Variants in MAGI2 observed in about 807,000 individuals in gnomAD.
The protein encoded by MAGI2 is membrane associated guanylate kinase, WW and PDZ domain containing 2, also known as membrane-associated guanylate kinase, WW and PDZ domain-containing protein 2.
Under a neutral mutation model 133.3 loss-of-function variants are expected in MAGI2, and 35 were observed. The observed-to-expected ratio is 0.26, with a 90% CI of 0.20 to 0.35. The LOEUF (loss-of-function observed/expected upper bound fraction) is 0.35. Ranked by LOEUF, MAGI2 falls within the 10% of genes least tolerant of loss-of-function variation. MAGI2 has a pLI of 1.00. For synonymous variants in MAGI2, 729 were observed against 710.6 expected, an observed-to-expected ratio of 1.03 and a Z score of -0.41; for missense variants, 1,636 against 1,863.4, an observed-to-expected ratio of 0.88 and a Z score of 2.25.
intron 2 of MAGI2, among the ~76,000 whole-genome samples, chr7:78,736,859 T>C (rs1821903772): frequency 6.6e-6 from 1 of 152,180 alleles, no homozygotes; most frequent in Non-Finnish European, 1.5e-5. Flanking sequence ...AATTCTTGAT[T>C]ATATATCTTT....
chr7:79,446,664 A>G (rs763918998), intron 1 of MAGI2, among the ~76,000 whole-genome samples: 27 of 152,164 alleles, frequency 1.8e-4, no homozygotes, highest in African/African-American at 3.6e-4. Context: ...AAGTATATCA[A>G]TGGGGGTTGG....
At chr7:79,275,165 T>C (rs998093453) in intron 1 of MAGI2, among the ~76,000 whole-genome samples, 1 of 152,160 alleles carries the variant, frequency 6.6e-6, no homozygotes, top group Admixed American at 6.6e-5. Context: ...ATGGCATATC[T>C]AGTGATGAGA....
chr7:78,478,824 T>G (rs1224265983), intron 6 of MAGI2, among the ~76,000 whole-genome samples: 1 of 151,946 alleles, frequency 6.6e-6, no homozygotes, highest in Non-Finnish European at 1.5e-5. Flanking sequence ...ACCTTCAGCC[T>G]GGAATGGACA....
intron 2 of MAGI2, among the ~76,000 whole-genome samples, chr7:78,982,759 T>G (rs10259881): frequency 8.4e-4 from 8 of 9,490 alleles, no homozygotes; most frequent in Admixed American, 4.7e-3. Context: ...GAAGGGAAGG[T>G]ACTACTACAC....
At chr7:78,678,429 T>A (rs1295419642) in intron 2 of MAGI2, among the ~76,000 whole-genome samples, 1 of 152,120 alleles carries the variant, frequency 6.6e-6, no homozygotes, top group African/African-American at 2.4e-5. Context: ...TATAACTCAT[T>A]TGGAGAGGGA....
chr7:78,607,255 A>G (rs906437986), intron 3 of MAGI2, among the ~76,000 whole-genome samples: 3 of 152,140 alleles, frequency 2.0e-5, no homozygotes, highest in Non-Finnish European at 2.9e-5. Context: ...GGGGGCAGTC[A>G]TGTCACCCAA....
At chr7:78,648,019 G>A (rs1811084742) in intron 2 of MAGI2, among the ~76,000 whole-genome samples, 3 of 152,078 alleles carry the variant, frequency 2.0e-5, no homozygotes, top group Non-Finnish European at 2.9e-5. Context: ...TGGTGGAGGG[G>A]TAGCATTAGG....
intron 1 of MAGI2, among the ~76,000 whole-genome samples, chr7:79,026,736 T>A (rs1809925645): frequency 6.6e-6 from 1 of 151,408 alleles, no homozygotes; most frequent in South Asian, 2.1e-4. Context: ...TAGTCCGGTG[T>A]GTTGGTGCAT....
chr7:78,402,912 T>A (rs147039034), intron 6 of MAGI2, among the ~76,000 whole-genome samples: 2 of 152,204 alleles, frequency 1.3e-5, no homozygotes, highest in Non-Finnish European at 2.9e-5. Context: ...TAAAAATATA[T>A]TGGTATAAAT....
chr7:78,362,484 A>G (rs1217038185), intron 7 of MAGI2, among the ~76,000 whole-genome samples: 1 of 152,120 alleles, frequency 6.6e-6, no homozygotes, highest in Non-Finnish European at 1.5e-5. Flanking sequence ...AGTTAAGAGC[A>G]TGTGTGTGGA....
chr7:78,426,255 A>G (rs552232534), intron 6 of MAGI2, among the ~76,000 whole-genome samples: 1 of 152,352 alleles, frequency 6.6e-6, no homozygotes, highest in African/African-American at 2.4e-5. Context: ...TAGACAAATC[A>G]ATAGGAAGCA....
intron 1 of MAGI2, among the ~76,000 whole-genome samples, chr7:79,051,978 G>A (rs1812715586): frequency 6.6e-6 from 1 of 151,972 alleles, no homozygotes. Flanking sequence ...AAACTCATAA[G>A]CTGTAAGATT....
chr7:78,475,527 C>G (rs1188852697), intron 6 of MAGI2, among the ~76,000 whole-genome samples: 1 of 151,768 alleles, frequency 6.6e-6, no homozygotes, highest in Non-Finnish European at 1.5e-5. Context: ...ATAGAAAGAA[C>G]TTGAAAGGAA....
At chr7:78,654,975 C>T (rs1241299060) in intron 2 of MAGI2, among the ~76,000 whole-genome samples, 1 of 151,400 alleles carries the variant, frequency 6.6e-6, no homozygotes, top group Non-Finnish European at 1.5e-5. Context: ...GCTACAAAGC[C>T]TCTAGCCACA....
At chr7:78,284,821 C>T (rs891205101) in intron 9 of MAGI2, among the ~76,000 whole-genome samples, 9 of 151,994 alleles carry the variant, frequency 5.9e-5, no homozygotes, top group African/African-American at 2.2e-4. Context: ...AATCTTCCTC[C>T]CTCCCCCAAA....
chr7:79,426,006 C>T (rs10238084), intron 1 of MAGI2, among the ~76,000 whole-genome samples: 30,774 of 152,028 alleles, frequency 0.2, 4,493 homozygotes, highest in African/African-American at 0.41. Flanking sequence ...CAATCTATTG[C>T]GTTGAACAGA....
At chr7:78,970,947 A>T (rs1393136092) in intron 2 of MAGI2, among the ~76,000 whole-genome samples, 1 of 152,052 alleles carries the variant, frequency 6.6e-6, no homozygotes, top group Non-Finnish European at 1.5e-5. Flanking sequence ...GACTTCCATC[A>T]GCGCAGGGAA....
chr7:78,750,461 CCA>C (rs1018377062), intron 2 of MAGI2, among the ~76,000 whole-genome samples: 7 of 152,166 alleles, frequency 4.6e-5, no homozygotes, highest in African/African-American at 1.7e-4. Context: ...TGAGGAATCA[CCA>C]CACTGTCTTC....
At chr7:78,132,553 A>T (rs1399267432) in intron 18 of MAGI2, among the ~76,000 whole-genome samples, 1 of 152,238 alleles carries the variant, frequency 6.6e-6, no homozygotes. Flanking sequence ...TCCATCGTGC[A>T]TACTGCAGGC....
Sources: allele counts gnomAD v4.1 joint callset (sites outside exome capture counted in the v4.1 genomes callset), GRCh38; gene constraint gnomAD v4.1.1; transcripts MANE v1.5; gene names NCBI Gene and HGNC (gene_info 2026-07-23, HGNC 2026-07-21).